CDH2: variants seen among roughly 807,000 people sequenced by gnomAD.
The protein encoded by CDH2 is cadherin-2.
A neutral mutation model predicts 92.0 loss-of-function variants in CDH2; 17 were observed. The observed-to-expected ratio is 0.18, with a 90% CI of 0.13 to 0.28. CDH2 has a LOEUF of 0.28. CDH2 is among the 10% of genes least tolerant of loss of function. CDH2 has a pLI of 1.00. For synonymous variants in CDH2, 419 were observed against 415.9 expected, an observed-to-expected ratio of 1.01 and a Z score of -0.09; for missense variants, 862 against 1,133.1, an observed-to-expected ratio of 0.76 and a Z score of 3.44.
chr18:27,953,835 C>T (rs531200191), intron 15 of CDH2, among the ~76,000 whole-genome samples: 385 of 152,182 alleles, frequency 2.5e-3, no homozygotes, highest in Non-Finnish European at 4.0e-3. Flanking sequence ...CAGTGACTGG[C>T]ACATGTAGAG....
At chr18:28,027,238 A>G (rs1204033715) in intron 2 of CDH2, among the ~76,000 whole-genome samples, 6 of 152,146 alleles carry the variant, frequency 3.9e-5, no homozygotes, top group African/African-American at 1.2e-4. Context: ...AGTGACCTAC[A>G]ACAAGACAGT....
intron 2 of CDH2, among the ~76,000 whole-genome samples, chr18:28,021,294 ACCTT>A (rs1221224527): frequency 5.3e-5 from 8 of 151,948 alleles, no homozygotes; most frequent in Admixed American, 5.2e-4. Flanking sequence ...TGAGAGAACA[ACCTT>A]CCTTCCATCA....
chr18:27,952,316 T>C lies in CDH2; in HGVS notation c.2558A>G (p.Asp853Gly). 1 of 1,613,148 alleles carries C rather than the reference T, an allele frequency of 6.2e-7. No individual in the cohort carries two copies. Among genetic ancestry groups the C allele is most frequent in the Non-Finnish European group, 8.5e-7 (1 of 1,179,614 alleles). The change falls in exon 16 of 16, where the codon GAC becomes GGC. Residue 853 changes from aspartate to glycine, a missense_variant. By Grantham distance (94) the Asp-to-Gly change is moderately conservative. Around this residue, in one of 5 missense-constraint regions of CDH2, gnomAD observed 114 missense variants for 144.8 expected, o/e 0.79. Transcript: ENST00000269141. Reference protein sequence around the residue: ...ADNDPTAPPYDSLLVFDYEGS... With the variant: ...ADNDPTAPPYGSLLVFDYEGS... ...TTCATAGTCAAACACTAACAGGGAG[T>C]CATATGGTGGAGCTGTGGGGTCATT... is the stretch of plus-strand genomic sequence containing the variant.
At chr18:28,171,151 G>C (rs2016458856) in intron 1 of CDH2, among the ~76,000 whole-genome samples, 1 of 151,280 alleles carries the variant, frequency 6.6e-6, no homozygotes, top group Non-Finnish European at 1.5e-5. Context: ...AATTCCTTGA[G>C]CCCGGGAGAC....
At chr18:28,052,326 G>C (rs563361763) in intron 2 of CDH2, among the ~76,000 whole-genome samples, 4 of 152,222 alleles carry the variant, frequency 2.6e-5, no homozygotes, top group African/African-American at 9.6e-5. Flanking sequence ...TTAAATAGAT[G>C]AAGAAAAAGG....
chr18:28,121,343 CT>C (rs1225312814), intron 2 of CDH2, among the ~76,000 whole-genome samples: 1 of 152,076 alleles, frequency 6.6e-6, no homozygotes, highest in African/African-American at 2.4e-5. Context: ...TGAATGCAAC[CT>C]TTTCATTATG....
intron 2 of CDH2, among the ~76,000 whole-genome samples, chr18:28,125,094 C>G (rs1410093632): frequency 6.6e-6 from 1 of 152,152 alleles, no homozygotes; most frequent in East Asian, 1.9e-4. Context: ...CGTTCCAGTA[C>G]GTGAGACATT....
intron 1 of CDH2, among the ~76,000 whole-genome samples, chr18:28,176,622 G>A (rs919877545): frequency 1.3e-5 from 2 of 152,110 alleles, no homozygotes; most frequent in East Asian, 1.9e-4. Context: ...ACAGAAAACT[G>A]CAAAACCTGG....
At chr18:28,036,133 G>A (rs960445971) in intron 2 of CDH2, among the ~76,000 whole-genome samples, 1 of 152,112 alleles carries the variant, frequency 6.6e-6, no homozygotes, top group Non-Finnish European at 1.5e-5. Flanking sequence ...TTGTTGTTAA[G>A]TATTATCAGC....
intron 1 of CDH2, chr18:28,168,747 C>T (rs1382088873): frequency 1.2e-5 from 2 of 160,704 alleles, no homozygotes; most frequent in Non-Finnish European, 2.6e-5. Flanking sequence ...GCTTCAGATG[C>T]CAAAAGAAAG....
At chr18:28,007,788 G>A (rs1243582810) in intron 5 of CDH2, among the ~76,000 whole-genome samples, 1 of 152,114 alleles carries the variant, frequency 6.6e-6, no homozygotes, top group Non-Finnish European at 1.5e-5. Context: ...GAGTGCATTG[G>A]CACGATCTCG....
intron 2 of CDH2, among the ~76,000 whole-genome samples, chr18:28,120,632 T>G (rs931636349): frequency 5.9e-5 from 9 of 152,054 alleles, no homozygotes; most frequent in Admixed American, 5.9e-4. Context: ...AGAAGACAGA[T>G]GAACAGTACT....
At chr18:28,125,658 C>A (rs528485436) in intron 2 of CDH2, among the ~76,000 whole-genome samples, 69 of 152,172 alleles carry the variant, frequency 4.5e-4, no homozygotes, top group Middle Eastern at 3.4e-3. Context: ...TCATAATGAG[C>A]ATTTACTGAG....
chr18:27,969,124 G>T (rs187227593), intron 14 of CDH2, among the ~76,000 whole-genome samples: 1 of 152,136 alleles, frequency 6.6e-6, no homozygotes, highest in Non-Finnish European at 1.5e-5. Flanking sequence ...GAAACGATGT[G>T]GAAAACTAAG....
rs775650947 is a variant in CDH2 at position 28,093,073 on chromosome 18, G to A, written c.172+54600C>T. 3.3e-5 allele frequency among the ~76,000 whole-genome samples: 5 copies of A among 152,124 alleles called. No individual in the cohort carries two copies. In the East Asian group the frequency reaches 7.7e-4, roughly 24 times the overall value. On this transcript the variant is annotated intron_variant, in intron 2 of 15. Coordinates refer to ENST00000269141, the MANE Select transcript of CDH2 (RefSeq NM_001792.5). ...GGTTGGACATTTCATAAGTCATCAC[G>A]ATCTAGTAGGTACTGCATAAAAGAT...
At chr18:28,157,723 C>T (rs1031504405) in intron 1 of CDH2, among the ~76,000 whole-genome samples, 2 of 151,894 alleles carry the variant, frequency 1.3e-5, no homozygotes, top group East Asian at 1.9e-4. Flanking sequence ...ATATGATTCT[C>T]GCATACGATA....
At chr18:28,043,469 T>TATATATATATATATATATATATATAA (rs1427280913) in intron 2 of CDH2, among the ~76,000 whole-genome samples, 13 of 66,076 alleles carry the variant, frequency 2.0e-4, no homozygotes, top group South Asian at 7.5e-4. Context: ...TAAATATATA[T>TATATATATATATATATATATATATAA]ATATATATAT....
chr18:27,997,294 G>T (rs2012614363), intron 7 of CDH2, among the ~76,000 whole-genome samples: 1 of 152,186 alleles, frequency 6.6e-6, no homozygotes, highest in African/African-American at 2.4e-5. Context: ...GACATTTAAT[G>T]AAATGTCTTC....
rs1319361371 is a variant in CDH2, at chr18:28,006,192, T to C, written c.703-199A>G. Among the ~76,000 whole-genome samples, 4 of 152,192 alleles carry C rather than the reference T, an allele frequency of 2.6e-5. No individual in the cohort carries two copies. In the South Asian group the frequency reaches 8.3e-4, roughly 31 times the overall value. Reference sequence around the variant, plus strand: ...TAGCAAAAAGCCATCATTTACTATATGCTAGGCATTGTTCTCAGAGCACAA... The same window carrying C: ...TAGCAAAAAGCCATCATTTACTATACGCTAGGCATTGTTCTCAGAGCACAA... On this transcript the variant is annotated intron_variant, in intron 5 of 15. Transcript: ENST00000269141.
Sources: allele counts gnomAD v4.1 joint callset (sites outside exome capture counted in the v4.1 genomes callset), GRCh38; gene constraint gnomAD v4.1.1; regional missense constraint gnomAD v4.1.1; transcripts MANE v1.5; gene names NCBI Gene and HGNC (gene_info 2026-07-23, HGNC 2026-07-21).